SLC28A2: variants seen among roughly 807,000 people sequenced by gnomAD.
SLC28A2 encodes sodium/nucleoside cotransporter 2.
A neutral mutation model predicts 72.9 loss-of-function variants in SLC28A2; 69 were observed. That is an observed-to-expected ratio of 0.95 (90% CI 0.78 to 1.16). The LOEUF is 1.16. SLC28A2 is among the 50% of genes most tolerant of loss of function. The probability of loss-of-function intolerance (pLI) is 0.00; values close to 1 mark genes in which losing one functional copy is unlikely to be tolerated. For missense variants in SLC28A2, 745 were observed against 791.1 expected (o/e 0.94, Z 0.70); for synonymous variants, 296 against 294.1 (o/e 1.01, Z -0.07).
At chr15:45,253,668 T>G in intron 3 of SLC28A2, 148 bp downstream of exon 3, 1 of 550,428 alleles carries the variant, frequency 1.8e-6, no homozygotes, top group Non-Finnish European at 3.3e-6. Flanking sequence ...CTTAAACATG[T>G]GCCATAAACT....
intron 5 of SLC28A2, 41 bp downstream of exon 5, chr15:45,263,285 C>A (rs1019150570): frequency 3.2e-6 from 5 of 1,579,180 alleles, no homozygotes; most frequent in Non-Finnish European, 4.3e-6. Context: ...CAGCTTATCC[C>A]AGCCCACCTC....
chr15:45,267,948 T>C, intron 12 of SLC28A2, 152 bp downstream of exon 12: 4 of 1,072,510 alleles, frequency 3.7e-6, no homozygotes, highest in Non-Finnish European at 5.5e-6. Flanking sequence ...CATGCTGGTT[T>C]TCTTCATTTA....
chr15:45,267,779 G>T lies in SLC28A2; in HGVS notation c.1182G>T (p.Gly394=). The T allele has an allele frequency of 6.2e-7, 1 of 1,614,000 alleles. No homozygotes were observed. Among genetic ancestry groups the T allele is most frequent in the South Asian group, 1.1e-5 (1 of 91,030 alleles). Residue 394 remains glycine (G), a synonymous_variant, in exon 12 of 18, where the codon GGG becomes GGT. Coordinates refer to ENST00000347644, the MANE Select transcript of SLC28A2 (RefSeq NM_004212.4). ...AGTCCAAGTTCAAGAGTGAGGAGGG[G>T]GTAAAGCTGCCCCGTGGGTGAGTCC... ...VEESKFKSEE[G]VKLPRGKERN...
At chr15:45,269,941 T>G (rs1321322376) in intron 14 of SLC28A2, among the ~76,000 whole-genome samples, 1 of 152,218 alleles carries the variant, frequency 6.6e-6, no homozygotes, top group East Asian at 1.9e-4. Context: ...TTCGCAATCC[T>G]TCTCATTCCC....
At position 45,262,063 on chromosome 15, in the gene SLC28A2, C is replaced by A. The variant is rs59889218; in HGVS notation, c.219C>A (p.His73Gln). 4 of 1,613,378 alleles carry A rather than the reference C, an allele frequency of 2.5e-6. No homozygotes were observed. Among genetic ancestry groups the A allele is most frequent in the African/African-American group, 2.7e-5 (2 of 74,860 alleles). ...AAGCAAGAAGTTTCTGCAAAACACACGCCAGCTTGTTCAAGAAGATCCTGT... is the reference window on the plus strand; with the variant it reads ...AAGCAAGAAGTTTCTGCAAAACACAAGCCAGCTTGTTCAAGAAGATCCTGT... Reference protein sequence around the residue: ...FSKARSFCKTHASLFKKILLG... With the variant: ...FSKARSFCKTQASLFKKILLG... The change falls in exon 4 of 18, where the codon CAC becomes CAA. Residue 73 changes from histidine to glutamine, a missense_variant. Physicochemically the swap from His to Gln is conservative, Grantham distance 24. Transcript: ENST00000347644.
chr15:45,276,528 C>A lies in SLC28A2; in HGVS notation c.*1015C>A, dbSNP rs1900759221. The A allele has an allele frequency of 1.9e-5, 2 of 103,138 alleles. No individual in the cohort carries two copies. The highest frequency in any genetic ancestry group is 5.0e-5 in the Non-Finnish European group (2 of 39,982). 6.4% of individuals were successfully genotyped at this position (103,138 alleles called of 1,614,324 possible). On this transcript the variant is annotated 3_prime_UTR_variant, in exon 18 of 18. Coordinates refer to ENST00000347644, the MANE Select transcript of SLC28A2 (RefSeq NM_004212.4). ...TCATAAAATAAAGTGAAGCACCCAC[C>A]AAAAAATAAAATAAATAAAATAAAT...
At position 45,266,149 on chromosome 15, in the gene SLC28A2, C is replaced by T. The variant is rs780199216; in HGVS notation, c.930C>T (p.Ile310=). The T allele has an allele frequency of 1.9e-6, 3 of 1,612,992 alleles. No homozygotes were observed. The highest frequency in any genetic ancestry group is 1.1e-5 in the South Asian group (1 of 91,064). ...ATETLAVAGN[I]FVGMTEAPLL... ...AGACCCTGGCTGTGGCAGGAAACAT[C>T]TTTGTGGGTATGGTAAGCACCTTGA... Residue 310 remains isoleucine, a synonymous_variant, in exon 10 of 18, where the codon ATC becomes ATT. Transcript: ENST00000347644.
chr15:45,256,147 C>A (rs546427798), intron 3 of SLC28A2: 6 of 152,120 alleles, frequency 3.9e-5, no homozygotes, highest in Non-Finnish European at 8.8e-5. Context: ...CTCATATAAA[C>A]CATGTTAACT....
chr15:45,253,410 C>T (rs1174229382), intron 2 of SLC28A2, 22 bp from the exon 3 acceptor site: 2 of 1,603,544 alleles, frequency 1.2e-6, no homozygotes, highest in South Asian at 1.1e-5. Context: ...ATGACTGATC[C>T]CAATGCTCTC....
chr15:45,254,758 TTTAA>T (rs1347995101), intron 3 of SLC28A2, among the ~76,000 whole-genome samples: 2 of 152,250 alleles, frequency 1.3e-5, no homozygotes, highest in African/African-American at 4.8e-5. Context: ...TCTTAAAATT[TTTAA>T]TTGTTTTATT....
At chr15:45,261,326 T>G (rs996137825) in intron 3 of SLC28A2, among the ~76,000 whole-genome samples, 4 of 123,908 alleles carry the variant, frequency 3.2e-5, no homozygotes, top group African/African-American at 1.3e-4. Context: ...CCTGTATGAC[T>G]TTGGGAAAGT....
rs767103219 is a variant in SLC28A2, at chr15:45,268,346, G to A, written c.1336G>A (p.Glu446Lys). The A allele has an allele frequency of 4.4e-6, 7 of 1,604,490 alleles. No individual in the cohort carries two copies. The highest frequency in any genetic ancestry group is 6.0e-6 in the Non-Finnish European group (7 of 1,172,236). The change falls in exon 13 of 18, where the codon GAA (glutamate) becomes AAA (lysine). Residue 446 changes from glutamate (E) to lysine (K), a missense_variant. Coordinates refer to ENST00000347644, the MANE Select transcript of SLC28A2 (RefSeq NM_004212.4). ...FINAALSWLG[E>K]LVDIQGLTFQ... The stretch of plus-strand genomic sequence containing the variant: ...CAATGCTGCCCTCTCCTGGCTGGGG[G>A]AATTGGTGGACATACAGGGGCTCAC...
chr15:45,273,526 A>G (rs189932520), intron 17 of SLC28A2, among the ~76,000 whole-genome samples: 3 of 152,336 alleles, frequency 2.0e-5, no homozygotes, highest in African/African-American at 7.2e-5. Flanking sequence ...GTTGTGGGAA[A>G]AAAGGCTGAG....
intron 10 of SLC28A2, among the ~76,000 whole-genome samples, chr15:45,267,031 T>C (rs373357567): frequency 3.9e-5 from 6 of 152,332 alleles, no homozygotes; most frequent in African/African-American, 1.4e-4. Context: ...AGCAGGGGGT[T>C]TGGATCATCT....
chr15:45,254,016 T>G (rs1284517100), intron 3 of SLC28A2: 1 of 153,794 alleles, frequency 6.5e-6, no homozygotes, highest in Non-Finnish European at 1.4e-5. Context: ...GAGAAGAGTC[T>G]CAAGAATGAA....
Position 45,265,170 on chromosome 15 carries a change from A to G in SLC28A2, c.780+4A>G. 1 of 1,581,582 alleles carries G rather than the reference A, an allele frequency of 6.3e-7. No individual in the cohort carries two copies. The highest frequency in any genetic ancestry group is 8.7e-7 in the Non-Finnish European group (1 of 1,150,588). ...CAAGGATGTCTTTGCTTTTCAGGTG[A>G]TACCTATTTTATGGGCAGGAATGAT... On this transcript the variant is annotated splice_donor_region_variant and intron_variant, in intron 8 of 17. Transcript: ENST00000347644.
chr15:45,261,874 TA>T (rs1297211225), intron 3 of SLC28A2, 140 bp from the exon 4 acceptor site: 1 of 691,116 alleles, frequency 1.4e-6, no homozygotes, highest in Non-Finnish European at 2.6e-6. Context: ...GGACACTACC[TA>T]ACTTCCTCCT....
chr15:45,270,131 T>A, intron 14 of SLC28A2, 64 bp from the exon 15 acceptor site: 2 of 1,097,642 alleles, frequency 1.8e-6, no homozygotes. Flanking sequence ...GAACTTCTAT[T>A]GTGATTATAA....
chr15:45,256,001 G>A (rs1310451223), intron 3 of SLC28A2: 1 of 152,038 alleles, frequency 6.6e-6, no homozygotes, highest in Non-Finnish European at 1.5e-5. Context: ...TTTTCACCCT[G>A]TAAAACAAGA....
Sources: gnomAD v4.1 joint callset for allele counts (sites outside exome capture counted in the v4.1 genomes callset) on GRCh38, gnomAD v4.1.1 for gene constraint, MANE v1.5 for transcripts, NCBI Gene and HGNC (gene_info 2026-07-23, HGNC 2026-07-21) for gene names.